BMPR1B: variants seen among roughly 807,000 people sequenced by gnomAD.
BMPR1B encodes bone morphogenetic protein receptor type-1B.
Under a neutral mutation model 59.1 loss-of-function variants are expected in BMPR1B, and 12 were observed. That is an observed-to-expected ratio of 0.20 (90% CI 0.13 to 0.33). The LOEUF is 0.33. Ranked by LOEUF, BMPR1B falls within the 10% of genes least tolerant of loss-of-function variation. The probability of loss-of-function intolerance (pLI) is 1.00; values close to 1 mark genes in which losing one functional copy is unlikely to be tolerated. For synonymous variants in BMPR1B, 237 were observed against 207.3 expected, an observed-to-expected ratio of 1.14 and a Z score of -1.23; for missense variants, 550 against 610.9, an observed-to-expected ratio of 0.90 and a Z score of 1.05.
intron 2 of BMPR1B, among the ~76,000 whole-genome samples, chr4:94,965,986 A>T (rs1730543463): frequency 6.6e-6 from 1 of 152,164 alleles, no homozygotes; most frequent in African/African-American, 2.4e-5. Flanking sequence ...GCACTTAGAG[A>T]GAATGGACAT....
intron 3 of BMPR1B, among the ~76,000 whole-genome samples, chr4:95,012,508 A>G (rs1344412858): frequency 6.6e-6 from 1 of 152,200 alleles, no homozygotes; most frequent in Non-Finnish European, 1.5e-5. Flanking sequence ...TTCTTGATAT[A>G]TTTGAATGAT....
At chr4:94,919,891 A>C (rs947233506) in intron 2 of BMPR1B, among the ~76,000 whole-genome samples, 5 of 152,342 alleles carry the variant, frequency 3.3e-5, no homozygotes, top group Middle Eastern at 3.4e-3. Context: ...AATACTGATG[A>C]ATAAAAGTGG....
intron 2 of BMPR1B, among the ~76,000 whole-genome samples, chr4:94,896,067 T>C (rs1453632348): frequency 6.6e-6 from 1 of 152,032 alleles, no homozygotes; most frequent in African/African-American, 2.4e-5. Flanking sequence ...CTTCTACAGA[T>C]TTATTTTTCG....
In BMPR1B at chr4:94,814,154, T is replaced by G. The variant is rs1157230583; in HGVS notation, c.-183+56086T>G. Among the ~76,000 whole-genome samples the G allele has an allele frequency of 3.3e-5, 5 of 152,246 alleles. No homozygotes were observed. The East Asian group carries it at 7.7e-4, about 23-fold the overall frequency. ...TTCAGGATTAAATACTTAAAAAGAT[T>G]ATAACACTTTAGCATGAAAAAAGAA... On this transcript the variant is annotated intron_variant, in intron 1 of 12. Transcript: ENST00000515059.
chr4:94,994,613 AT>A (rs1174409142), intron 2 of BMPR1B, among the ~76,000 whole-genome samples: 6 of 152,118 alleles, frequency 3.9e-5, no homozygotes, highest in African/African-American at 1.4e-4. Flanking sequence ...CAATAAGTTA[AT>A]TCATTAGATG....
At chr4:94,962,144 C>CTTTTTTTT (rs202147892) in intron 2 of BMPR1B, among the ~76,000 whole-genome samples, 1 of 83,670 alleles carries the variant, frequency 1.2e-5, no homozygotes, top group Non-Finnish European at 2.4e-5. Context: ...TCCTTCCTTT[C>CTTTTTTTT]TTTTTTCTTT....
chr4:95,061,212 A>ACACACACACACACAC (rs1560624940), intron 3 of BMPR1B, among the ~76,000 whole-genome samples: 1 of 131,660 alleles, frequency 7.6e-6, no homozygotes, highest in East Asian at 2.5e-4. Flanking sequence ...CACACACACC[A>ACACACACACACACAC]CACACCCCTC....
At chr4:95,080,221 T>C (rs1729021268) in intron 3 of BMPR1B, among the ~76,000 whole-genome samples, 1 of 152,198 alleles carries the variant, frequency 6.6e-6, no homozygotes, top group Non-Finnish European at 1.5e-5. Flanking sequence ...ATTTTATGTA[T>C]GTATGTATGT....
chr4:94,813,162 T>A (rs1723885157), intron 1 of BMPR1B, among the ~76,000 whole-genome samples: 1 of 152,156 alleles, frequency 6.6e-6, no homozygotes, highest in Admixed American at 6.5e-5. Context: ...CACATGGAGT[T>A]TATATTTGAT....
At chr4:94,855,472 A>G (rs915172264) in intron 1 of BMPR1B, among the ~76,000 whole-genome samples, 2 of 152,198 alleles carry the variant, frequency 1.3e-5, no homozygotes, top group African/African-American at 2.4e-5. Flanking sequence ...TTTCATCACT[A>G]TGAAACTATG....
At chr4:95,148,968 A>G (rs371657494) in intron 11 of BMPR1B, 45 bp downstream of exon 11, 3 of 1,602,718 alleles carry the variant, frequency 1.9e-6, no homozygotes, top group Non-Finnish European at 1.7e-6. Context: ...TGGAGCTACT[A>G]TAAATCCTTT....
chr4:94,813,523 G>T (rs1392913594), intron 1 of BMPR1B, among the ~76,000 whole-genome samples: 1 of 152,130 alleles, frequency 6.6e-6, no homozygotes, highest in Non-Finnish European at 1.5e-5. Flanking sequence ...AAAGAGATGA[G>T]GTCTGAGAGG....
At chr4:94,845,436 G>A (rs1364799908) in intron 1 of BMPR1B, among the ~76,000 whole-genome samples, 3 of 151,640 alleles carry the variant, frequency 2.0e-5, no homozygotes, top group African/African-American at 4.8e-5. Context: ...TCTGCCTCCC[G>A]GGTTCACGCC....
intron 6 of BMPR1B, among the ~76,000 whole-genome samples, chr4:95,122,522 A>G (rs1163724178): frequency 6.6e-6 from 1 of 152,162 alleles, no homozygotes; most frequent in African/African-American, 2.4e-5. Context: ...TGCAGAAAAA[A>G]ATATTTGTTG....
intron 1 of BMPR1B, among the ~76,000 whole-genome samples, chr4:94,766,354 G>C (rs539779790): frequency 1.3e-5 from 2 of 151,022 alleles, no homozygotes; most frequent in South Asian, 4.2e-4. Flanking sequence ...TTACTGCCAG[G>C]AGTTGTTCCT....
At chr4:95,002,319 T>A (rs1317733996) in intron 3 of BMPR1B, among the ~76,000 whole-genome samples, 1 of 152,220 alleles carries the variant, frequency 6.6e-6, no homozygotes, top group Non-Finnish European at 1.5e-5. Flanking sequence ...GATTTCATTC[T>A]TTTTTATGGC....
At chr4:94,937,762 G>A (rs1418819468) in intron 2 of BMPR1B, among the ~76,000 whole-genome samples, 1 of 142,448 alleles carries the variant, frequency 7.0e-6, no homozygotes, top group East Asian at 2.0e-4. Context: ...CATACACACT[G>A]CAGGAGAGGG....
Position 94,855,814 on chromosome 4 carries a change from G to A in BMPR1B, c.-182-20017G>A, listed in dbSNP as rs368659371. Among the ~76,000 whole-genome samples the A allele has an allele frequency of 3.4e-4, 52 of 152,124 alleles. 1 individual carries two copies. In the East Asian group the frequency reaches 4.8e-3, roughly 14 times the overall value. ...TGAGTTAATCAAATTCTTGTGCTTG[G>A]AAGTGAAATAATCAGATTTTAACTT... On this transcript the variant is annotated intron_variant, in intron 1 of 12. Transcript: ENST00000515059.
intron 1 of BMPR1B, among the ~76,000 whole-genome samples, chr4:94,834,832 AC>A (rs757650877): frequency 4.6e-5 from 7 of 152,160 alleles, no homozygotes; most frequent in Non-Finnish European, 8.8e-5. Context: ...TATTTTAATA[AC>A]AATAAATAAA....
Sources: gnomAD v4.1 joint callset for allele counts (sites outside exome capture counted in the v4.1 genomes callset) on GRCh38, gnomAD v4.1.1 for gene constraint, MANE v1.5 for transcripts, NCBI Gene and HGNC (gene_info 2026-07-23, HGNC 2026-07-21) for gene names.